The following DPP6 variants were observed in gnomAD, a reference collection of about 807,000 sequenced individuals.
The protein encoded by DPP6 is dipeptidyl peptidase like 6.
DPP6 carries 69 observed loss-of-function variants against 122.6 expected under a neutral mutation model. That is an observed-to-expected ratio of 0.56 (90% CI 0.46 to 0.69). The LOEUF is 0.69. Among genes scored for constraint, DPP6 ranks in the 30% least tolerant of loss-of-function variants. The probability of loss-of-function intolerance (pLI) is 0.00; values close to 1 mark genes in which losing one functional copy is unlikely to be tolerated. For missense variants in DPP6, 928 were observed against 1,116.9 expected (o/e 0.83, Z 2.41); for synonymous variants, 418 against 433.1 (o/e 0.97, Z 0.43).
chr7:154,880,208 G>A (rs920205132), intron 20 of DPP6, among the ~76,000 whole-genome samples: 1 of 152,184 alleles, frequency 6.6e-6, no homozygotes, highest in Non-Finnish European at 1.5e-5. Flanking sequence ...CAGCCACTTC[G>A]TGGGGGAAGC....
chr7:154,432,577 G>A (rs1364581286), intron 1 of DPP6, among the ~76,000 whole-genome samples: 1 of 152,164 alleles, frequency 6.6e-6, no homozygotes, highest in Non-Finnish European at 1.5e-5. Context: ...GCTCTTGTCC[G>A]TGTGTTCTGT....
intron 1 of DPP6, among the ~76,000 whole-genome samples, chr7:153,922,816 A>G (rs758848188): frequency 2.6e-5 from 4 of 152,214 alleles, no homozygotes; most frequent in Non-Finnish European, 4.4e-5. Context: ...GCTGGGTTTA[A>G]GGAGAGGCCT....
Position 154,783,035 on chromosome 7 carries a change from C to T in DPP6, c.1136+10093C>T, listed in dbSNP as rs140976141. On this transcript the variant is annotated intron_variant, in intron 10 of 25. Transcript: ENST00000377770. ...CCGACCTCAGGTGATCCACCCACCT[C>T]GGCCTCCCAAAGTGCTGGGACATGC... 8.8e-3 allele frequency among the ~76,000 whole-genome samples: 1,346 copies of T among 152,240 alleles called. 16 individuals are homozygous for T. Among genetic ancestry groups the T allele is most frequent in the African/African-American group, 0.031 (1,268 of 41,540 alleles).
chr7:154,749,858 G>A (rs1302505925), intron 8 of DPP6, among the ~76,000 whole-genome samples: 1 of 137,514 alleles, frequency 7.3e-6, no homozygotes, highest in Admixed American at 7.2e-5. Context: ...GGAAAGAGAG[G>A]GATGGGGCAT....
chr7:153,997,612 C>T (rs906974186), intron 1 of DPP6, among the ~76,000 whole-genome samples: 1 of 150,982 alleles, frequency 6.6e-6, no homozygotes, highest in Non-Finnish European at 1.5e-5. Flanking sequence ...CACACACACA[C>T]ACACCTGTTT....
intron 1 of DPP6, among the ~76,000 whole-genome samples, chr7:154,358,134 C>T (rs988081629): frequency 6.6e-6 from 1 of 152,084 alleles, no homozygotes; most frequent in Non-Finnish European, 1.5e-5. Context: ...CATCTGTTCT[C>T]CTTTAACCTG....
chr7:154,625,255 A>C (rs1834991724), intron 5 of DPP6, among the ~76,000 whole-genome samples: 1 of 152,176 alleles, frequency 6.6e-6, no homozygotes, highest in Non-Finnish European at 1.5e-5. Context: ...CAGCAAAGTG[A>C]AGCTGACTTG....
chr7:153,919,994 T>C (rs1286240430), intron 1 of DPP6, among the ~76,000 whole-genome samples: 2 of 152,236 alleles, frequency 1.3e-5, no homozygotes, highest in Non-Finnish European at 2.9e-5. Context: ...GGAGGTAGCA[T>C]GAGCTTATTG....
chr7:154,583,027 C>A (rs1832182126), intron 5 of DPP6, among the ~76,000 whole-genome samples: 1 of 152,188 alleles, frequency 6.6e-6, no homozygotes, highest in Non-Finnish European at 1.5e-5. Flanking sequence ...CTGCAAACAC[C>A]TGCTCTTGAT....
At chr7:154,313,202 T>C (rs7793218) in intron 1 of DPP6, among the ~76,000 whole-genome samples, 22,198 of 151,792 alleles carry the variant, frequency 0.15, 2,114 homozygotes, top group African/African-American at 0.27. Flanking sequence ...AGAGCCAAGG[T>C]AGGGGGAAAG....
upstream of DPP6, among the ~76,000 whole-genome samples, chr7:154,051,906 T>C (rs1000274395): frequency 1.3e-4 from 19 of 151,538 alleles, no homozygotes; most frequent in Non-Finnish European, 2.7e-4. Flanking sequence ...CTGGTGGCTC[T>C]CCCACGCCCC....
chr7:154,169,530 T>G (rs951951659), intron 1 of DPP6, among the ~76,000 whole-genome samples: 39 of 152,186 alleles, frequency 2.6e-4, no homozygotes, highest in African/African-American at 8.9e-4. Context: ...ATTTCCTTCA[T>G]TTTAAACTGA....
At chr7:154,665,440 A>G (rs186009478) in intron 6 of DPP6, among the ~76,000 whole-genome samples, 13 of 152,338 alleles carry the variant, frequency 8.5e-5, no homozygotes, top group African/African-American at 3.1e-4. Context: ...AGTATGAGTC[A>G]TTAGAAACTC....
At chr7:154,277,107 A>G (rs1585808201) in intron 1 of DPP6, among the ~76,000 whole-genome samples, 1 of 152,224 alleles carries the variant, frequency 6.6e-6, no homozygotes, top group African/African-American at 2.4e-5. Context: ...GCAAGAAGGC[A>G]GAGTGCCGTC....
At position 153,944,663 on chromosome 7, in the gene DPP6, G is replaced by GTTTTTTTTTTTTTTTTTT. The variant is rs769081715; in HGVS notation, c.51+56929_51+56930insTTTTTTTTTTTTTTTTTT. On this transcript the variant is annotated intron_variant, in intron 1 of 25. Transcript: ENST00000404039. ...ACCATCAGTTTCTTATTTTTGTGTG[G>GTTTTTTTTTTTTTTTTTT]GTTTTTTTTTTTTTTTTTTTTTTGA... Among the ~76,000 whole-genome samples the GTTTTTTTTTTTTTTTTTT allele has an allele frequency of 1.9e-5, 2 of 103,950 alleles. 1 individual carries two copies. Among genetic ancestry groups the GTTTTTTTTTTTTTTTTTT allele is most frequent in the Non-Finnish European group, 3.9e-5 (2 of 51,280 alleles). The allele number at this position is 103,950 out of a possible 152,430, so 68.2% of individuals were successfully genotyped here.
chr7:154,064,824 GC>G (rs1802569052), intron 1 of DPP6, among the ~76,000 whole-genome samples: 1 of 152,150 alleles, frequency 6.6e-6, no homozygotes, highest in Non-Finnish European at 1.5e-5. Flanking sequence ...TGGTCACATG[GC>G]CCAGCCACTT....
At position 154,801,461 on chromosome 7, in the gene DPP6, A is replaced by T; in HGVS notation, c.1406A>T (p.Gln469Leu). ...KFYHITVSSS[Q>L]PNSSNDNIQS... is the part of the protein sequence containing the mutation. ...TATCACATCACGGTGTCCTCGTCCC[A>T]GGTAAGTCCTGCTAGTTTCCGGAGC... The change falls in exon 13 of 26, where the codon CAG becomes CTG. Residue 469 changes from glutamine (Q) to leucine (L), a missense_variant and splice_region_variant. Coordinates refer to ENST00000377770, the MANE Select transcript of DPP6 (RefSeq NM_130797.4). 6.4e-7 allele frequency: 1 copy of T among 1,573,758 alleles called. No homozygotes were observed. The highest frequency in any genetic ancestry group is 8.6e-7 in the Non-Finnish European group (1 of 1,158,168).
intron 1 of DPP6, among the ~76,000 whole-genome samples, chr7:154,350,724 T>C (rs1810780625): frequency 6.6e-6 from 1 of 152,198 alleles, no homozygotes; most frequent in African/African-American, 2.4e-5. Flanking sequence ...AGACCACCAG[T>C]ACACCAAAAC....
At chr7:154,242,780 G>A (rs1199879452) in intron 1 of DPP6, among the ~76,000 whole-genome samples, 3 of 152,210 alleles carry the variant, frequency 2.0e-5, no homozygotes, top group Non-Finnish European at 2.9e-5. Context: ...GTTTCCAGAA[G>A]TCTTGATGAA....
Sources: allele counts gnomAD v4.1 joint callset (sites outside exome capture counted in the v4.1 genomes callset), GRCh38; gene constraint gnomAD v4.1.1; transcripts MANE v1.5; gene names NCBI Gene and HGNC (gene_info 2026-07-23, HGNC 2026-07-21).